COL6A5: variants seen among roughly 807,000 people sequenced by gnomAD.
COL6A5 encodes the protein collagen type VI alpha 5 chain.
COL6A5 carries 48 observed loss-of-function variants against 65.6 expected under a neutral mutation model. The observed-to-expected ratio is 0.73, with a 90% CI of 0.58 to 0.93. The LOEUF is 0.93. Among genes scored for constraint, COL6A5 ranks in the 40% least tolerant of loss-of-function variants. The pLI, the probability that COL6A5 is intolerant of heterozygous loss-of-function variation, is 0.00. For missense variants in COL6A5, 914 were observed against 928.3 expected, an observed-to-expected ratio of 0.98 and a Z score of 0.20; for synonymous variants, 291 against 322.8, an observed-to-expected ratio of 0.90 and a Z score of 1.05.
At chr3:130,447,512 A>G (rs574435361) in intron 4 of COL6A5, among the ~76,000 whole-genome samples, 2 of 152,224 alleles carry the variant, frequency 1.3e-5, no homozygotes, top group South Asian at 2.1e-4. Context: ...AAAGAGACCA[A>G]ACAGTCGACT....
chr3:130,454,256 A>G (rs919166484), intron 4 of COL6A5, among the ~76,000 whole-genome samples: 1 of 152,106 alleles, frequency 6.6e-6, no homozygotes, highest in African/African-American at 2.4e-5. Flanking sequence ...AAAGGTAGAC[A>G]TTGGTAAAAT....
intron 18 of COL6A5, 41 bp from the exon 19 acceptor site, chr3:130,409,968 T>A (rs112677081): frequency 2.2e-6 from 3 of 1,364,982 alleles, no homozygotes; most frequent in South Asian, 2.5e-5. Context: ...AAAAAGCTGA[T>A]ATTTCTGGAT....
chr3:130,397,853 C>G (rs1035306419), exon 9 of COL6A5: 1 of 1,551,694 alleles, frequency 6.4e-7, no homozygotes, highest in Non-Finnish European at 8.7e-7. Flanking sequence ...AGTGGGCCAA[C>G]TCATCTGAAC....
chr3:130,429,126 G>A (rs1394682824), upstream of COL6A5, among the ~76,000 whole-genome samples: 3 of 152,144 alleles, frequency 2.0e-5, no homozygotes, highest in African/African-American at 7.2e-5. Context: ...TCCCCCTATG[G>A]TTGTATGGGA....
At chr3:130,427,392 G>A (rs146487009), upstream of COL6A5, among the ~76,000 whole-genome samples, 29 of 152,252 alleles carry the variant, frequency 1.9e-4, no homozygotes, top group Non-Finnish European at 2.4e-4. Flanking sequence ...AGATAAAAAT[G>A]TTGTCATTGC....
intron 1 of COL6A5, among the ~76,000 whole-genome samples, chr3:130,356,864 G>A (rs1934942484): frequency 6.6e-6 from 1 of 152,208 alleles, no homozygotes; most frequent in South Asian, 2.1e-4. Context: ...AGGAAAATGC[G>A]TTGCCTCAAA....
intron 1 of COL6A5, among the ~76,000 whole-genome samples, chr3:130,371,145 A>C (rs139059197): frequency 6.6e-6 from 1 of 152,240 alleles, no homozygotes; most frequent in Non-Finnish European, 1.5e-5. Flanking sequence ...TTTAAAGAGC[A>C]TCAGTGAAAA....
chr3:130,484,135 G>T (rs773189215), exon 8 of COL6A5: 34 of 1,322,660 alleles, frequency 2.6e-5, no homozygotes, highest in Admixed American at 7.1e-5. Context: ...ATCTGTTAGA[G>T]GTACTGTGGT....
intron 1 of COL6A5, among the ~76,000 whole-genome samples, chr3:130,366,244 G>A (rs548101774): frequency 1.6e-4 from 24 of 152,276 alleles, no homozygotes; most frequent in African/African-American, 5.8e-4. Context: ...TGTATAAGAA[G>A]CTTATGGGTT....
chr3:130,434,040 A>T (rs537390273), intron 1 of COL6A5, among the ~76,000 whole-genome samples: 8 of 151,572 alleles, frequency 5.3e-5, no homozygotes, highest in African/African-American at 1.9e-4. Context: ...TACATGTGCC[A>T]TGGTGGTTTG....
intron 1 of COL6A5, among the ~76,000 whole-genome samples, chr3:130,438,029 C>T (rs555046756): frequency 5.9e-5 from 9 of 152,102 alleles, no homozygotes; most frequent in Admixed American, 5.2e-4. Context: ...AGAAAAGTCT[C>T]GCTCTGTCAC....
rs557250605 is a variant in COL6A5 at position 130,353,746 on chromosome 3, T to A, written c.-29+7765T>A. ...CTGAAAAAAAAAGAACAAAAGGAAC[T>A]GAAAATAAATATAAAACATTTATTT... On this transcript the variant is annotated intron_variant and NMD_transcript_variant, in intron 1 of 41. Coordinates refer to the COL6A5 transcript ENST00000312481. 3.3e-5 allele frequency among the ~76,000 whole-genome samples: 5 copies of A among 151,444 alleles called. No individual in the cohort carries two copies. The South Asian group carries it at 1.0e-3, about 31-fold the overall frequency.
At chr3:130,443,260 C>G (rs929257274) in intron 3 of COL6A5, among the ~76,000 whole-genome samples, 1 of 152,138 alleles carries the variant, frequency 6.6e-6, no homozygotes, top group Non-Finnish European at 1.5e-5. Flanking sequence ...AGGTCTGTTT[C>G]CATGACTCTG....
At chr3:130,448,461 T>C (rs1310443856) in intron 4 of COL6A5, among the ~76,000 whole-genome samples, 1 of 152,124 alleles carries the variant, frequency 6.6e-6, no homozygotes, top group African/African-American at 2.4e-5. Context: ...TTTTTGAAAG[T>C]CATTTAAAGT....
intron 4 of COL6A5, among the ~76,000 whole-genome samples, chr3:130,447,056 C>T (rs1487380565): frequency 6.6e-6 from 1 of 152,220 alleles, no homozygotes; most frequent in East Asian, 1.9e-4. Flanking sequence ...GGATTGTAAG[C>T]GATTCCAGTA....
chr3:130,371,654 C>T lies in COL6A5; in HGVS notation c.-28-1957C>T, dbSNP rs115996952. Among the ~76,000 whole-genome samples, 1,083 of 152,044 alleles carry T rather than the reference C, an allele frequency of 7.1e-3. 4 individuals are homozygous for T. Among genetic ancestry groups the T allele is most frequent in the Non-Finnish European group, 0.012 (799 of 68,008 alleles). ...CGAAAGAGTGAAATTGTATCCCTAC[C>T]TCACCCCATACACAAAACAACTTAA... On this transcript the variant is annotated intron_variant and NMD_transcript_variant, in intron 1 of 41. Coordinates refer to the COL6A5 transcript ENST00000312481.
chr3:130,410,884 A>G (rs992389157), intron 20 of COL6A5, among the ~76,000 whole-genome samples: 1 of 152,178 alleles, frequency 6.6e-6, no homozygotes, highest in Non-Finnish European at 1.5e-5. Flanking sequence ...CGACTGTAAC[A>G]TAGTTGGCCT....
upstream of COL6A5, among the ~76,000 whole-genome samples, chr3:130,428,679 T>A (rs948564064): frequency 3.3e-5 from 5 of 152,152 alleles, no homozygotes; most frequent in African/African-American, 1.2e-4. Context: ...AAGTACTCAG[T>A]CAGGAAAAAG....
At chr3:130,403,521 G>A (rs1936882177) in intron 12 of COL6A5, 88 bp from the exon 13 acceptor site, 5 of 1,120,352 alleles carry the variant, frequency 4.5e-6, no homozygotes, top group South Asian at 4.4e-5. Flanking sequence ...TTGGAGGAAG[G>A]GACTTGCTTA....
Sources: allele counts gnomAD v4.1 joint callset (sites outside exome capture counted in the v4.1 genomes callset), GRCh38; gene constraint gnomAD v4.1.1; transcripts MANE v1.5; gene names NCBI Gene and HGNC (gene_info 2026-07-23, HGNC 2026-07-21).